Variants in FOXP4 observed in about 807,000 individuals in gnomAD.
FOXP4 encodes the protein forkhead box P4.
FOXP4 carries 25 observed loss-of-function variants against 82.6 expected under a neutral mutation model. The observed-to-expected ratio is 0.30, with a 90% CI of 0.22 to 0.42. The LOEUF is 0.42. FOXP4 is among the 10% of genes least tolerant of loss of function. The probability of loss-of-function intolerance (pLI) is 1.00; values close to 1 mark genes in which losing one functional copy is unlikely to be tolerated. For synonymous variants in FOXP4, 415 were observed against 388.2 expected (o/e 1.07, Z -0.81); for missense variants, 785 against 900.9 (o/e 0.87, Z 1.65).
At position 41,594,989 on chromosome 6, in the gene FOXP4, A is replaced by G. The variant is rs1766739740; in HGVS notation, c.1656A>G (p.Thr552=). Residue 552 remains threonine (T), a splice_region_variant and synonymous_variant, in exon 14 of 17, where the codon ACA becomes ACG. Transcript: ENST00000307972. The stretch of plus-strand genomic sequence containing the variant: ...AGAAGCGGAGACCGCCAAAGATGAC[A>G]GGGTATGTGGGTCCAGAGCTGGATG... The part of the protein sequence containing the change: ...EYQKRRPPKM[T]GSPTLVKNMI... The G allele has an allele frequency of 6.2e-7, 1 of 1,613,986 alleles. No individual in the cohort carries two copies. Among genetic ancestry groups the G allele is most frequent in the Non-Finnish European group, 8.5e-7 (1 of 1,179,966 alleles).
intron 1 of FOXP4, among the ~76,000 whole-genome samples, chr6:41,550,044 A>G (rs1296988263): frequency 6.6e-6 from 1 of 152,146 alleles, no homozygotes; most frequent in Non-Finnish European, 1.5e-5. Flanking sequence ...TCCCTAGACC[A>G]AGGCAGGGCA....
intron 3 of FOXP4, among the ~76,000 whole-genome samples, chr6:41,583,638 T>TA (rs1765929301): frequency 6.6e-6 from 1 of 152,068 alleles, no homozygotes; most frequent in Non-Finnish European, 1.5e-5. Context: ...GAGAGGAAAT[T>TA]AGAGAAGAGT....
intron 2 of FOXP4, 140 bp from the exon 3 acceptor site, chr6:41,577,846 C>T (rs926510643): frequency 3.2e-6 from 2 of 617,354 alleles, no homozygotes; most frequent in African/African-American, 1.8e-5. Flanking sequence ...ACCCCAAGCC[C>T]TTATGGACCC....
Position 41,593,865 on chromosome 6 carries a change from G to A in FOXP4, c.1537-1005G>A, listed in dbSNP as rs562771335. ...GGGGCACGGGCTGCCTGCCCTACCC[G>A]CTTTCTTCCCCGTTTAGAAATGTAA... On this transcript the variant is annotated intron_variant, in intron 13 of 16. Transcript: ENST00000307972. This position sits in a 1 kb window ranked among gnomAD's most constrained non-coding sequence, Gnocchi z 4.1. Among the ~76,000 whole-genome samples the A allele has an allele frequency of 2.0e-4, 30 of 152,328 alleles. No individual in the cohort carries two copies. The highest frequency in any genetic ancestry group is 6.0e-4 in the African/African-American group (25 of 41,572).
At position 41,597,282 on chromosome 6, in the gene FOXP4, G is replaced by A. The variant is rs528547647; in HGVS notation, c.1725+40G>A. ...GCCCACCCACTCACCTCTACCTCCC[G>A]CCCCCTTGCTTTCTCATACAAGAGA... On this transcript the variant is annotated intron_variant, in intron 15 of 16. Coordinates refer to ENST00000307972, the MANE Select transcript of FOXP4 (RefSeq NM_001012426.2). The A allele has an allele frequency of 2.0e-5, 32 of 1,598,644 alleles. No individual in the cohort carries two copies. In the Middle Eastern group the frequency reaches 9.0e-4, roughly 45 times the overall value.
In FOXP4 at chr6:41,597,074, G is replaced by A; in HGVS notation, c.1659-102G>A. The A allele has an allele frequency of 4.0e-6, 5 of 1,255,878 alleles. No individual in the cohort carries two copies. In the South Asian group the frequency reaches 4.9e-5, roughly 12 times the overall value. The allele number at this position is 1,255,878 out of a possible 1,614,324, so 77.8% of individuals were successfully genotyped here. A position where few individuals can be genotyped will look rare whatever the true frequency, so the allele number is the denominator to read the frequency against. On this transcript the variant is annotated intron_variant, in intron 14 of 16. Coordinates refer to ENST00000307972, the MANE Select transcript of FOXP4 (RefSeq NM_001012426.2). ...CCCTGGCCTCCCGGAATAGGGAATG[G>A]GACCCATTCCCAGCACAGGCCGTTA... is the stretch of plus-strand genomic sequence containing the variant.
intron 14 of FOXP4, 82 bp from the exon 15 acceptor site, chr6:41,597,094 C>T: frequency 7.0e-7 from 1 of 1,438,018 alleles, no homozygotes; most frequent in Non-Finnish European, 9.8e-7. Flanking sequence ...CCAGCACAGG[C>T]CGTTACTTAG....
In FOXP4 at chr6:41,588,711, G is replaced by A. The variant is rs1346533048; in HGVS notation, c.1045G>A (p.Val349Met). 3 of 1,613,832 alleles carry A rather than the reference G, an allele frequency of 1.9e-6. No homozygotes were observed. Among genetic ancestry groups the A allele is most frequent in the South Asian group, 2.2e-5 (2 of 91,042 alleles). The stretch of plus-strand genomic sequence containing the variant: ...CCAGTGCCGGGTACAGATGCAGGTG[G>A]TGCAGCAGCTGGAGATCCAGGTGTG... ...TAQCRVQMQV[V>M]QQLEIQLAKE... Residue 349 changes from valine (V) to methionine (M), a missense_variant, in exon 9 of 17, where the codon GTG (valine) becomes ATG (methionine). Val to Met is a conservative substitution (Grantham distance 21). Around this residue, in one of 3 missense-constraint regions of FOXP4, gnomAD observed 570 missense variants for 634.0 expected, o/e 0.90. Transcript: ENST00000307972.
Position 41,565,293 on chromosome 6 carries a change from G to T in FOXP4, c.-16-452G>T, listed in dbSNP as rs563436950. Reference sequence around the variant, plus strand: ...AAGAATCGCTCAAACTCGGGAGGCGGAGGCTGCAGTGAGCCGAGATCGCAC... The same window carrying T: ...AAGAATCGCTCAAACTCGGGAGGCGTAGGCTGCAGTGAGCCGAGATCGCAC... On this transcript the variant is annotated intron_variant, in intron 1 of 16. Transcript: ENST00000307972. Among the ~76,000 whole-genome samples, 105 of 152,288 alleles carry T rather than the reference G, an allele frequency of 6.9e-4. 1 individual carries two copies. The highest frequency in any genetic ancestry group is 2.3e-3 in the African/African-American group (97 of 41,558).
chr6:41,557,296 A>G (rs1013874307), intron 1 of FOXP4, among the ~76,000 whole-genome samples: 4 of 152,234 alleles, frequency 2.6e-5, no homozygotes, highest in African/African-American at 7.2e-5. Flanking sequence ...TTGCTAAAGA[A>G]GAACTGGGCA....
Position 41,579,253 on chromosome 6 carries a change from G to A in FOXP4, c.300+1172G>A, listed in dbSNP as rs531141065. Among the ~76,000 whole-genome samples the A allele has an allele frequency of 8.5e-5, 13 of 152,298 alleles. No homozygotes were observed. In the South Asian group the frequency reaches 1.5e-3, roughly 17 times the overall value. On this transcript the variant is annotated intron_variant, in intron 3 of 16. Coordinates refer to ENST00000307972, the MANE Select transcript of FOXP4 (RefSeq NM_001012426.2). ...GGCAAAGATCAGGGCGTGGCCTGGG[G>A]TGGAGGAGGGGAAGACACAATCTGG... is the stretch of plus-strand genomic sequence containing the variant.
chr6:41,579,159 T>C (rs923428400), intron 3 of FOXP4, among the ~76,000 whole-genome samples: 3 of 152,118 alleles, frequency 2.0e-5, no homozygotes, highest in African/African-American at 7.2e-5. Flanking sequence ...CCAACAGATG[T>C]GCAGCCTTAA....
chr6:41,567,890 A>C (rs1262649179), intron 2 of FOXP4, among the ~76,000 whole-genome samples: 2 of 152,226 alleles, frequency 1.3e-5, no homozygotes, highest in African/African-American at 4.8e-5. Context: ...GGGGAGTTGG[A>C]GGCAGGCAGA....
intron 2 of FOXP4, among the ~76,000 whole-genome samples, chr6:41,568,631 A>G (rs1765015587): frequency 6.6e-6 from 1 of 152,258 alleles, no homozygotes; most frequent in East Asian, 1.9e-4. Context: ...TGCAAACTCG[A>G]TAGGAAGTGG....
chr6:41,555,256 A>C (rs1271002257), intron 1 of FOXP4, among the ~76,000 whole-genome samples: 1 of 152,166 alleles, frequency 6.6e-6, no homozygotes, highest in Admixed American at 6.5e-5. Flanking sequence ...GTCTCAAAAA[A>C]AAAAAGAACT....
At chr6:41,594,203 T>C (rs1220584096) in intron 13 of FOXP4, among the ~76,000 whole-genome samples, 2 of 152,198 alleles carry the variant, frequency 1.3e-5, no homozygotes, top group African/African-American at 4.8e-5. Flanking sequence ...AGGTGACTTA[T>C]CTTCTTTCTC....
At chr6:41,571,180 T>C (rs1765178347) in intron 2 of FOXP4, among the ~76,000 whole-genome samples, 2 of 151,452 alleles carry the variant, frequency 1.3e-5, no homozygotes, top group African/African-American at 4.8e-5. Flanking sequence ...TGATTTCACC[T>C]CCTTGCTGGA....
chr6:41,560,885 C>G (rs1764537345), intron 1 of FOXP4, among the ~76,000 whole-genome samples: 1 of 152,214 alleles, frequency 6.6e-6, no homozygotes. Flanking sequence ...AAGGTTTCTC[C>G]GCATGTGGGG....
chr6:41,582,765 CCTT>C (rs1765872779), intron 3 of FOXP4, among the ~76,000 whole-genome samples: 12 of 152,168 alleles, frequency 7.9e-5, no homozygotes, highest in Admixed American at 7.9e-4. Context: ...TTCAGAGAGT[CCTT>C]CTAGGATACA....
Sources: gnomAD v4.1 joint callset for allele counts (sites outside exome capture counted in the v4.1 genomes callset) on GRCh38, gnomAD v4.1.1 for gene constraint, gnomAD v4.1.1 regional missense constraint, Gnocchi (gnomAD v3.1) non-coding constraint, MANE v1.5 for transcripts, NCBI Gene and HGNC (gene_info 2026-07-23, HGNC 2026-07-21) for gene names.